The following HS6ST3 variants were observed in gnomAD, a reference collection of about 807,000 sequenced individuals.
HS6ST3 encodes heparan-sulfate 6-O-sulfotransferase 3.
In HS6ST3, 12 loss-of-function variants were observed where a neutral mutation model predicts 36.7. The ratio of observed to expected loss-of-function variants is 0.33; its 90% CI spans 0.21 to 0.53. The LOEUF is 0.53. HS6ST3 is among the 20% of genes least tolerant of loss of function. HS6ST3 has a pLI of 0.95. For synonymous variants in HS6ST3, 240 were observed against 257.5 expected (o/e 0.93, Z 0.65); for missense variants, 584 against 640.9 (o/e 0.91, Z 0.96).
chr13:96,690,346 A>G (rs1343134973), intron 1 of HS6ST3, among the ~76,000 whole-genome samples: 1 of 152,158 alleles, frequency 6.6e-6, no homozygotes, highest in African/African-American at 2.4e-5. Flanking sequence ...CTTACTATTC[A>G]AAATGTAATC....
intron 1 of HS6ST3, among the ~76,000 whole-genome samples, chr13:96,474,547 A>G (rs976192110): frequency 1.3e-5 from 2 of 152,330 alleles, no homozygotes; most frequent in Middle Eastern, 3.4e-3. Flanking sequence ...TACCACATCA[A>G]TATTTTAGTG....
At chr13:96,560,587 C>G (rs906153424) in intron 1 of HS6ST3, among the ~76,000 whole-genome samples, 3 of 152,170 alleles carry the variant, frequency 2.0e-5, no homozygotes, top group African/African-American at 7.2e-5. Flanking sequence ...GTCAAACTAT[C>G]TCTCTTCACT....
intron 1 of HS6ST3, among the ~76,000 whole-genome samples, chr13:96,517,309 G>A (rs578171560): frequency 1.9e-4 from 29 of 152,240 alleles, no homozygotes; most frequent in African/African-American, 6.7e-4. Flanking sequence ...GGATCTGGAA[G>A]GTTGAGGCTG....
At chr13:96,229,474 A>C (rs924730638) in intron 1 of HS6ST3, among the ~76,000 whole-genome samples, 1 of 152,192 alleles carries the variant, frequency 6.6e-6, no homozygotes, top group Non-Finnish European at 1.5e-5. Context: ...TTCCTGGCTC[A>C]CAGATAGCTC....
At chr13:96,098,384 G>A (rs2053801696) in intron 1 of HS6ST3, among the ~76,000 whole-genome samples, 1 of 152,280 alleles carries the variant, frequency 6.6e-6, no homozygotes, top group South Asian at 2.1e-4. Flanking sequence ...GTTGGAGATC[G>A]TAATATTGGA....
chr13:96,605,080 C>G (rs1419564121), intron 1 of HS6ST3, among the ~76,000 whole-genome samples: 3 of 152,022 alleles, frequency 2.0e-5, no homozygotes, highest in Non-Finnish European at 4.4e-5. Context: ...TTTTTTCTCT[C>G]CTGGTGGTTT....
intron 1 of HS6ST3, among the ~76,000 whole-genome samples, chr13:96,146,138 C>T (rs1267139928): frequency 6.6e-6 from 1 of 152,154 alleles, no homozygotes; most frequent in Non-Finnish European, 1.5e-5. Flanking sequence ...GCAATGCAGG[C>T]TCTTTTTTGG....
chr13:96,808,633 C>T (rs780426842), intron 1 of HS6ST3, among the ~76,000 whole-genome samples: 5 of 152,158 alleles, frequency 3.3e-5, no homozygotes, highest in Non-Finnish European at 7.3e-5. Context: ...AACCCAACCT[C>T]TTCTGACCGA....
chr13:96,131,596 A>G (rs1435618328), intron 1 of HS6ST3, among the ~76,000 whole-genome samples: 2 of 152,154 alleles, frequency 1.3e-5, no homozygotes, highest in African/African-American at 4.8e-5. Context: ...ATTTTCAAGT[A>G]TATAATACAT....
intron 1 of HS6ST3, among the ~76,000 whole-genome samples, chr13:96,508,991 C>T (rs145806010): frequency 1.7e-3 from 255 of 152,210 alleles, no homozygotes; most frequent in African/African-American, 5.8e-3. Flanking sequence ...GCGTTCCCTT[C>T]TCCCTGCATC....
chr13:96,705,237 T>C (rs772037095), intron 1 of HS6ST3, among the ~76,000 whole-genome samples: 1 of 152,198 alleles, frequency 6.6e-6, no homozygotes, highest in Non-Finnish European at 1.5e-5. Context: ...GTATCATCCA[T>C]CATAGTTTCA....
chr13:96,265,439 C>G (rs1485879863), intron 1 of HS6ST3, among the ~76,000 whole-genome samples: 2 of 152,240 alleles, frequency 1.3e-5, no homozygotes, highest in Non-Finnish European at 1.5e-5. Context: ...CTCGGCCTCC[C>G]AAAGTGATGG....
chr13:96,352,277 T>C (rs1338218838), intron 1 of HS6ST3, among the ~76,000 whole-genome samples: 1 of 152,258 alleles, frequency 6.6e-6, no homozygotes, highest in Non-Finnish European at 1.5e-5. Context: ...CGAACAGTTT[T>C]GTTGGATGGT....
At chr13:96,586,589 C>T (rs2056362488) in intron 1 of HS6ST3, among the ~76,000 whole-genome samples, 2 of 152,188 alleles carry the variant, frequency 1.3e-5, no homozygotes, top group East Asian at 3.8e-4. Context: ...AGCCACCATA[C>T]CTGGCCTTGA....
At chr13:96,764,338 G>A (rs1416656978) in intron 1 of HS6ST3, among the ~76,000 whole-genome samples, 1 of 152,140 alleles carries the variant, frequency 6.6e-6, no homozygotes, top group Non-Finnish European at 1.5e-5. Flanking sequence ...GAAAAAAAGG[G>A]ACAAGGTGAT....
chr13:96,696,447 A>G (rs1329571645), intron 1 of HS6ST3, among the ~76,000 whole-genome samples: 1 of 152,238 alleles, frequency 6.6e-6, no homozygotes, highest in Non-Finnish European at 1.5e-5. Flanking sequence ...AAGACTGACC[A>G]TCGCACTTCA....
At chr13:96,575,507 A>G (rs1488756436) in intron 1 of HS6ST3, among the ~76,000 whole-genome samples, 1 of 152,204 alleles carries the variant, frequency 6.6e-6, no homozygotes, top group Admixed American at 6.5e-5. Flanking sequence ...AGGGACCAGT[A>G]AGCAGGGGAG....
rs554549218 is a variant in HS6ST3 at position 96,512,844 on chromosome 13, T to A, written c.708-319646T>A. ...CCATAAATAATAAAGGTTGTTTTTT[T>A]CTTCCTCTCTCTTTTCTGATCTTTA... is the stretch of plus-strand genomic sequence containing the variant. On this transcript the variant is annotated intron_variant, in intron 1 of 1. Transcript: ENST00000376705. 2.0e-4 allele frequency among the ~76,000 whole-genome samples: 30 copies of A among 152,226 alleles called. 2 individuals carry two copies. In the South Asian group the frequency reaches 5.4e-3, roughly 27 times the overall value.
chr13:96,158,609 C>T (rs751039241), intron 1 of HS6ST3, among the ~76,000 whole-genome samples: 2 of 139,204 alleles, frequency 1.4e-5, no homozygotes, highest in African/African-American at 2.7e-5. Flanking sequence ...GCCATGATCG[C>T]GCCATTGTGC....
Sources: gnomAD v4.1 joint callset for allele counts (sites outside exome capture counted in the v4.1 genomes callset) on GRCh38, gnomAD v4.1.1 for gene constraint, MANE v1.5 for transcripts, NCBI Gene and HGNC (gene_info 2026-07-23, HGNC 2026-07-21) for gene names.